NAALADL2: variants seen among roughly 807,000 people sequenced by gnomAD.
NAALADL2 encodes the protein N-acetylated alpha-linked acidic dipeptidase like 2, also known as inactive N-acetylated-alpha-linked acidic dipeptidase-like protein 2.
Under a neutral mutation model 87.2 loss-of-function variants are expected in NAALADL2, and 76 were observed. The ratio of observed to expected loss-of-function variants is 0.87; its 90% CI spans 0.72 to 1.05. The LOEUF is 1.05. Among genes scored for constraint, NAALADL2 ranks in the 50% least tolerant of loss-of-function variants. NAALADL2 has a pLI of 0.00. For synonymous variants in NAALADL2, 354 were observed against 331.0 expected, an observed-to-expected ratio of 1.07 and a Z score of -0.75; for missense variants, 1,089 against 945.8, an observed-to-expected ratio of 1.15 and a Z score of -1.99.
At chr3:174,877,799 G>T (rs1220289530) in intron 1 of NAALADL2, among the ~76,000 whole-genome samples, 2 of 152,026 alleles carry the variant, frequency 1.3e-5, no homozygotes, top group Non-Finnish European at 2.9e-5. Flanking sequence ...TGAAAGTACG[G>T]AAGGGTTTTT....
At chr3:175,018,387 T>G (rs1016996469) in intron 1 of NAALADL2, among the ~76,000 whole-genome samples, 1 of 152,114 alleles carries the variant, frequency 6.6e-6, no homozygotes, top group Non-Finnish European at 1.5e-5. Flanking sequence ...AAGAGATGGC[T>G]TAAGAATTCT....
At chr3:174,656,575 G>C (rs146966556) in intron 2 of NAALADL2, among the ~76,000 whole-genome samples, 1 of 152,142 alleles carries the variant, frequency 6.6e-6, no homozygotes, top group Non-Finnish European at 1.5e-5. Context: ...CTTTTCAGAA[G>C]TGTTTTTTCA....
At chr3:174,915,785 G>T (rs758603956) in intron 1 of NAALADL2, among the ~76,000 whole-genome samples, 4 of 151,998 alleles carry the variant, frequency 2.6e-5, no homozygotes, top group Non-Finnish European at 5.9e-5. Context: ...TTGAAAAAGT[G>T]CAGGAAAACT....
At position 175,182,550 on chromosome 3, in the gene NAALADL2, GTTTTTTTTTTTT is replaced by G. The variant is rs1161831796; in HGVS notation, c.546-51364_546-51353del. 4.6e-3 allele frequency among the ~76,000 whole-genome samples: 318 copies of G among 69,468 alleles called. 1 individual carries two copies. The highest frequency in any genetic ancestry group is 0.017 in the African/African-American group (289 of 16,726). The allele number at this position is 69,468 out of a possible 152,430, so 45.6% of individuals were successfully genotyped here. On this transcript the variant is annotated intron_variant, in intron 2 of 13. Coordinates refer to ENST00000454872, the MANE Select transcript of NAALADL2 (RefSeq NM_207015.3). Reference sequence around the variant, plus strand: ...CTATAAGTCCATGACACCACAGCCAGTTTTTTTTTTTTTTTTTTTTTTTTTTTTGTAGAGATG... The same window carrying G: ...CTATAAGTCCATGACACCACAGCCAGTTTTTTTTTTTTTTTTGTAGAGATG...
At chr3:175,676,638 T>TA (rs199592247) in intron 11 of NAALADL2, 395 of 143,194 alleles carry the variant, frequency 2.8e-3, no homozygotes, top group Admixed American at 4.3e-3. Context: ...TGCTCTTGAT[T>TA]AAAAAAAAAA....
intron 11 of NAALADL2, among the ~76,000 whole-genome samples, chr3:175,697,667 C>A (rs1341731074): frequency 6.7e-6 from 1 of 150,162 alleles, no homozygotes; most frequent in Non-Finnish European, 1.5e-5. Context: ...TATGATTGTC[C>A]CAAAGTTAAG....
intron 2 of NAALADL2, among the ~76,000 whole-genome samples, chr3:175,165,183 A>C (rs921231078): frequency 6.6e-5 from 10 of 152,234 alleles, no homozygotes; most frequent in African/African-American, 2.4e-4. Flanking sequence ...ATCTCTCCCC[A>C]TGCTTCCATA....
chr3:175,699,402 A>G (rs1374894659), intron 11 of NAALADL2, among the ~76,000 whole-genome samples: 1 of 152,052 alleles, frequency 6.6e-6, no homozygotes, highest in Admixed American at 6.6e-5. Flanking sequence ...CTCTGTCTTA[A>G]GTTTGCTAAC....
chr3:174,912,882 G>A (rs1258843769), intron 1 of NAALADL2, among the ~76,000 whole-genome samples: 2 of 152,140 alleles, frequency 1.3e-5, no homozygotes, highest in Non-Finnish European at 2.9e-5. Flanking sequence ...AGATACTAAT[G>A]ATTTGAACAT....
At chr3:174,765,957 C>A (rs1713756108) in intron 3 of NAALADL2, among the ~76,000 whole-genome samples, 1 of 152,066 alleles carries the variant, frequency 6.6e-6, no homozygotes, top group South Asian at 2.1e-4. Context: ...ACACACAAAA[C>A]CCTTGGAAAC....
chr3:174,999,698 G>C (rs1415695875), intron 1 of NAALADL2, among the ~76,000 whole-genome samples: 1 of 152,158 alleles, frequency 6.6e-6, no homozygotes, highest in East Asian at 1.9e-4. Context: ...CAGTAGCATT[G>C]GCTAATTAAC....
At chr3:175,636,392 T>C (rs1420605048) in intron 11 of NAALADL2, among the ~76,000 whole-genome samples, 2 of 152,056 alleles carry the variant, frequency 1.3e-5, no homozygotes, top group Non-Finnish European at 2.9e-5. Flanking sequence ...AAGAGGTGGG[T>C]TACCCTTAGA....
At chr3:175,316,666 C>G (rs1021660251) in intron 4 of NAALADL2, among the ~76,000 whole-genome samples, 1 of 152,174 alleles carries the variant, frequency 6.6e-6, no homozygotes, top group Non-Finnish European at 1.5e-5. Context: ...AGCCCAGAGA[C>G]AGCAGATTTC....
chr3:174,971,613 T>C (rs1743652825), intron 1 of NAALADL2, among the ~76,000 whole-genome samples: 1 of 152,098 alleles, frequency 6.6e-6, no homozygotes, highest in African/African-American at 2.4e-5. Context: ...CAGGGGCTTC[T>C]TGTACCTTCC....
intron 3 of NAALADL2, among the ~76,000 whole-genome samples, chr3:174,817,041 CA>C (rs1450218861): frequency 2.6e-5 from 4 of 152,176 alleles, no homozygotes; most frequent in African/African-American, 4.8e-5. Context: ...GAACTTAAAG[CA>C]GCTAAATTTG....
At chr3:174,463,291 C>G (rs916430200) in intron 1 of NAALADL2, among the ~76,000 whole-genome samples, 12 of 152,096 alleles carry the variant, frequency 7.9e-5, no homozygotes, top group African/African-American at 2.9e-4. Flanking sequence ...TGTAGAAAGC[C>G]TTCCACTTGT....
chr3:174,933,650 T>C (rs1417355873), intron 1 of NAALADL2, among the ~76,000 whole-genome samples: 1 of 152,206 alleles, frequency 6.6e-6, no homozygotes, highest in Non-Finnish European at 1.5e-5. Context: ...TCTAAGCCTA[T>C]TGTGTTGCCA....
intron 1 of NAALADL2, among the ~76,000 whole-genome samples, chr3:174,494,357 GAGC>G (rs1718386055): frequency 6.6e-6 from 1 of 151,924 alleles, no homozygotes; most frequent in Admixed American, 6.6e-5. Flanking sequence ...TGTAATGGGG[GAGC>G]AGCTAGAAGT....
chr3:175,600,994 C>A (rs1431473348), intron 10 of NAALADL2, among the ~76,000 whole-genome samples: 1 of 152,056 alleles, frequency 6.6e-6, no homozygotes, highest in East Asian at 1.9e-4. Context: ...TCAACCATTG[C>A]CTAATTTAGT....
Sources: gnomAD v4.1 joint callset for allele counts (sites outside exome capture counted in the v4.1 genomes callset) on GRCh38, gnomAD v4.1.1 for gene constraint, MANE v1.5 for transcripts, NCBI Gene and HGNC (gene_info 2026-07-23, HGNC 2026-07-21) for gene names.